KIR3DL2: variants seen among roughly 807,000 people sequenced by gnomAD.
The protein encoded by KIR3DL2 is killer cell immunoglobulin like receptor, three Ig domains and long cytoplasmic tail 2.
KIR3DL2 carries 42 observed loss-of-function variants against 41.6 expected under a neutral mutation model. The observed-to-expected ratio is 1.01, with a 90% CI of 0.79 to 1.31. The LOEUF is 1.31. Ranked by LOEUF, KIR3DL2 falls within the 50% of genes most tolerant of loss-of-function variation. KIR3DL2 has a pLI of 0.00. For missense variants in KIR3DL2, 728 were observed against 576.8 expected (o/e 1.26, Z -2.68); for synonymous variants, 230 against 221.3 (o/e 1.04, Z -0.35).
chr19:54,866,434 T>G lies in KIR3DL2; in HGVS notation c.1158+12T>G. ...CAGTGAATAGGCAGGTAGGTCCTCC[T>G]CGGCCCAGCCTCACGGATACAGTCT... On this transcript the variant is annotated intron_variant, in intron 8 of 8. Coordinates refer to ENST00000326321, the MANE Select transcript of KIR3DL2 (RefSeq NM_006737.4). The G allele has an allele frequency of 4.3e-6, 7 of 1,613,970 alleles. No individual in the cohort carries two copies. The highest frequency in any genetic ancestry group is 5.9e-6 in the Non-Finnish European group (7 of 1,179,954).
Position 54,854,066 on chromosome 19 carries a change from C to A in KIR3DL2, c.655+20C>A. 5 of 1,611,134 alleles carry A rather than the reference C, an allele frequency of 3.1e-6. No homozygotes were observed. The highest frequency in any genetic ancestry group is 4.2e-6 in the Non-Finnish European group (5 of 1,178,218). On this transcript the variant is annotated intron_variant, in intron 4 of 8. Transcript: ENST00000326321. ...TCACAGGTGAGAGTGTCCAGACATT[C>A]TTCTCATTGTCATTGGGACACAGAG...
At chr19:54,865,680 C>A in intron 6 of KIR3DL2, 125 bp from the exon 7 acceptor site, 1 of 809,388 alleles carries the variant, frequency 1.2e-6, no homozygotes, top group Non-Finnish European at 2.1e-6. Context: ...AGCTGGGTCT[C>A]CCGCCATCAG....
chr19:54,859,991 TG>T lies in KIR3DL2; in HGVS notation c.1000+863del, dbSNP rs1160892287. On this transcript the variant is annotated intron_variant, in intron 6 of 8. Transcript: ENST00000326321. ...TTCTCTGAATGCTGCTCTCCCTTCTTGCCCTTCTTTTGAAAACTTGGGGATT... is the reference window on the plus strand; with the variant it reads ...TTCTCTGAATGCTGCTCTCCCTTCTTCCCTTCTTTTGAAAACTTGGGGATT... Among the ~76,000 whole-genome samples, 4 of 151,666 alleles carry T rather than the reference TG, an allele frequency of 2.6e-5. No individual in the cohort carries two copies. The East Asian group carries it at 7.7e-4, about 29-fold the overall frequency.
chr19:54,854,325 G>A (rs2064558875), intron 4 of KIR3DL2, among the ~76,000 whole-genome samples: 2 of 151,792 alleles, frequency 1.3e-5, no homozygotes, highest in Non-Finnish European at 2.9e-5. Flanking sequence ...CCAGAGAGAA[G>A]TGTCCTTCCA....
At position 54,866,239 on chromosome 19, in the gene KIR3DL2, T is replaced by A. The variant is rs878886561; in HGVS notation, c.1106-131T>A. The A allele has an allele frequency of 6.8e-6, 6 of 880,494 alleles. No individual in the cohort carries two copies. In the South Asian group the frequency reaches 9.2e-5, roughly 13 times the overall value. 54.5% of individuals were successfully genotyped at this position (880,494 alleles called of 1,614,324 possible). On this transcript the variant is annotated intron_variant, in intron 7 of 8. Coordinates refer to ENST00000326321, the MANE Select transcript of KIR3DL2 (RefSeq NM_006737.4). The stretch of plus-strand genomic sequence containing the variant: ...GTCTTGAACTCAGAGAGATAGAATG[T>A]CTGAGTCTGGATGTTGGCAGCTGAA...
chr19:54,851,288 T>C (rs2064211989), intron 2 of KIR3DL2, 33 bp downstream of exon 2: 1 of 1,597,926 alleles, frequency 6.3e-7, no homozygotes. Flanking sequence ...GGGTGTCATC[T>C]CCCCACATAA....
In KIR3DL2 at chr19:54,855,969, G is replaced by T; in HGVS notation, c.949+57G>T. 6.9e-6 allele frequency: 11 copies of T among 1,583,042 alleles called. No homozygotes were observed. The South Asian group carries it at 1.1e-4, about 16-fold the overall frequency. The stretch of plus-strand genomic sequence containing the variant: ...ATGATCCTAGAGCCATAGCTGAGGA[G>T]CTTCCTGCCGATGATGGGGAGAAGC... On this transcript the variant is annotated intron_variant, in intron 5 of 8. Coordinates refer to ENST00000326321, the MANE Select transcript of KIR3DL2 (RefSeq NM_006737.4).
At chr19:54,851,103 C>T (rs1601715564) in intron 1 of KIR3DL2, 117 bp from the exon 2 acceptor site, 1 of 1,319,382 alleles carries the variant, frequency 7.6e-7, no homozygotes, top group Non-Finnish European at 1.1e-6. Context: ...AGCAGGGAGG[C>T]TAAGTTTACC....
intron 3 of KIR3DL2, among the ~76,000 whole-genome samples, chr19:54,852,522 G>A (rs1212990471): frequency 2.0e-5 from 3 of 151,622 alleles, no homozygotes; most frequent in African/African-American, 4.9e-5. Flanking sequence ...GAAGGGGAAG[G>A]TGGAGCTCAG....
chr19:54,865,843 G>C lies in KIR3DL2; in HGVS notation c.1039G>C (p.Val347Leu). ...RHLHVLIGTS[V>L]VIFLFILLLF... ...CCTGCATGTTCTGATTGGGACCTCA[G>C]TGGTCATCTTCCTCTTCATCCTCCT... Residue 347 changes from valine to leucine, a missense_variant, in exon 7 of 9, where the codon GTG (valine) becomes CTG (leucine). Physicochemically the swap from Val to Leu is conservative, Grantham distance 32. Coordinates refer to ENST00000326321, the MANE Select transcript of KIR3DL2 (RefSeq NM_006737.4). 6.2e-7 allele frequency: 1 copy of C among 1,613,916 alleles called. No individual in the cohort carries two copies. Among genetic ancestry groups the C allele is most frequent in the Non-Finnish European group, 8.5e-7 (1 of 1,179,876 alleles).
rs772826353 is a variant in KIR3DL2 at position 54,865,800 on chromosome 19, TC to T, written c.1001-3del. The T allele has an allele frequency of 1.2e-6, 2 of 1,607,746 alleles. No individual in the cohort carries two copies. The highest frequency in any genetic ancestry group is 4.5e-5 in the East Asian group (2 of 44,846). On this transcript the variant is annotated splice_region_variant and splice_polypyrimidine_tract_variant and intron_variant, in intron 6 of 8. Transcript: ENST00000326321. ...GCTTCTTATTGGATTCCCATCTTCC[TC>T]CAGGTATCTGCAGACACCTGCATGT...
rs1342799399 is a variant in KIR3DL2, at chr19:54,858,927, C to T, written c.950-152C>T. ...CTTCAAGTCTCAAGACAGTGGGCAT[C>T]GCACACAAAAATTATGGAGAAAAGG... On this transcript the variant is annotated intron_variant, in intron 5 of 8. Coordinates refer to ENST00000326321, the MANE Select transcript of KIR3DL2 (RefSeq NM_006737.4). The T allele has an allele frequency of 1.2e-4, 100 of 812,566 alleles. 1 individual carries two copies. Among genetic ancestry groups the T allele is most frequent in the African/African-American group, 1.0e-3 (58 of 56,812 alleles). 50.3% of individuals were successfully genotyped at this position (812,566 alleles called of 1,614,324 possible). A position where few individuals can be genotyped will look rare whatever the true frequency, so the allele number is the denominator to read the frequency against.
At chr19:54,855,976 G>A (rs2064737946) in intron 5 of KIR3DL2, 64 bp downstream of exon 5, 1 of 1,570,238 alleles carries the variant, frequency 6.4e-7, no homozygotes, top group Admixed American at 1.8e-5. Context: ...GGAGCTTCCT[G>A]CCGATGATGG....
intron 5 of KIR3DL2, among the ~76,000 whole-genome samples, chr19:54,858,315 G>A (rs1394051020): frequency 2.0e-5 from 3 of 150,804 alleles, no homozygotes; most frequent in African/African-American, 4.9e-5. Context: ...TTTGATTTTT[G>A]TGTAAGGTGA....
intron 5 of KIR3DL2, among the ~76,000 whole-genome samples, chr19:54,856,969 G>A (rs1434479033): frequency 6.6e-6 from 1 of 152,264 alleles, no homozygotes; most frequent in African/African-American, 2.4e-5. Flanking sequence ...CCACATCTTG[G>A]CTACTGTGAA....
Position 54,857,340 on chromosome 19 carries a change from C to A in KIR3DL2, c.949+1428C>A, listed in dbSNP as rs2064863085. Among the ~76,000 whole-genome samples the A allele has an allele frequency of 2.0e-5, 3 of 151,516 alleles. No homozygotes were observed. The South Asian group carries it at 6.2e-4, about 31-fold the overall frequency. ...TCCTGACCTCAAGTGAGGTGCCTGC[C>A]TCGGTTTCCCAAAGTGCTGAAGTTA... On this transcript the variant is annotated intron_variant, in intron 5 of 8. Transcript: ENST00000326321.
In KIR3DL2 at chr19:54,853,993, A is replaced by G; in HGVS notation, c.602A>G (p.His201Arg). The change falls in exon 4 of 9, where the codon CAC becomes CGC. Residue 201 changes from histidine to arginine, a missense_variant. His to Arg is a conservative substitution (Grantham distance 29). Coordinates refer to ENST00000326321, the MANE Select transcript of KIR3DL2 (RefSeq NM_006737.4). The part of the protein sequence containing the change: ...GTYRCYGSVP[H>R]SPYQLSAPSD... ...TACAGATGTTATGGTTCTGTTCCTCACTCCCCCTATCAGTTGTCAGCTCCC... is the reference window on the plus strand; with the variant it reads ...TACAGATGTTATGGTTCTGTTCCTCGCTCCCCCTATCAGTTGTCAGCTCCC... 6.2e-7 allele frequency: 1 copy of G among 1,612,586 alleles called. No homozygotes were observed. The highest frequency in any genetic ancestry group is 1.7e-5 in the Admixed American group (1 of 59,938).
chr19:54,857,533 T>TTTTAC (rs1230462427), intron 5 of KIR3DL2, among the ~76,000 whole-genome samples: 1 of 150,336 alleles, frequency 6.7e-6, no homozygotes, highest in Non-Finnish European at 1.5e-5. Flanking sequence ...ATAAAAGCCA[T>TTTTAC]TTTACTTTAC....
At position 54,852,019 on chromosome 19, in the gene KIR3DL2, T is replaced by C; in HGVS notation, c.92T>C (p.Leu31Pro). 1.2e-6 allele frequency: 2 copies of C among 1,610,916 alleles called. No homozygotes were observed. The highest frequency in any genetic ancestry group is 8.5e-7 in the Non-Finnish European group (1 of 1,178,330). ...PLMGGQDKPF[L>P]SARPSTVVPR... ...CCAGGTGGTCAGGACAAACCCTTCC[T>C]GTCTGCCCGGCCCAGCACTGTGGTG... Residue 31 changes from leucine (L) to proline (P), a missense_variant, in exon 3 of 9, where the codon CTG becomes CCG. Physicochemically the swap from Leu to Pro is moderately conservative, Grantham distance 98. Transcript: ENST00000326321.
Sources: gnomAD v4.1 joint callset for allele counts (sites outside exome capture counted in the v4.1 genomes callset) on GRCh38, gnomAD v4.1.1 for gene constraint, MANE v1.5 for transcripts, NCBI Gene and HGNC (gene_info 2026-07-23, HGNC 2026-07-21) for gene names.